Variants in ADAMTS3 observed in about 807,000 individuals in gnomAD.
ADAMTS3 encodes the protein ADAM metallopeptidase with thrombospondin type 1 motif 3.
Under a neutral mutation model 129.0 loss-of-function variants are expected in ADAMTS3, and 73 were observed. The observed-to-expected ratio is 0.57, with a 90% CI of 0.47 to 0.69. The LOEUF (loss-of-function observed/expected upper bound fraction) is 0.69, where lower values mean the gene tolerates loss of function less well. Among genes scored for constraint, ADAMTS3 ranks in the 30% least tolerant of loss-of-function variants. The probability of loss-of-function intolerance (pLI) is 0.00; values close to 1 mark genes in which losing one functional copy is unlikely to be tolerated. For synonymous variants in ADAMTS3, 477 were observed against 510.8 expected (o/e 0.93, Z 0.89); for missense variants, 1,457 against 1,514.5 (o/e 0.96, Z 0.63).
At chr4:72,469,273 CTA>C (rs1451975859) in intron 3 of ADAMTS3, among the ~76,000 whole-genome samples, 1 of 152,044 alleles carries the variant, frequency 6.6e-6, no homozygotes, top group Non-Finnish European at 1.5e-5. Context: ...TATGAAGACA[CTA>C]TATTACAATA....
chr4:72,544,870 T>C (rs145647276), intron 3 of ADAMTS3, among the ~76,000 whole-genome samples: 106 of 152,238 alleles, frequency 7.0e-4, no homozygotes, highest in Middle Eastern at 3.4e-3. Context: ...AAAAGAAATG[T>C]GCAATTTTCC....
chr4:72,512,389 G>A (rs1409391915), intron 3 of ADAMTS3, among the ~76,000 whole-genome samples: 3 of 152,134 alleles, frequency 2.0e-5, no homozygotes, highest in African/African-American at 7.2e-5. Flanking sequence ...CTACTCGGGA[G>A]GCTGAGGCAG....
chr4:72,442,498 T>C (rs1718143951), intron 3 of ADAMTS3, among the ~76,000 whole-genome samples: 1 of 151,430 alleles, frequency 6.6e-6, no homozygotes, highest in African/African-American at 2.4e-5. Flanking sequence ...AGGAGGAAGG[T>C]GCCAGGCTCT....
intron 4 of ADAMTS3, among the ~76,000 whole-genome samples, chr4:72,411,335 A>G (rs1440969618): frequency 6.6e-6 from 1 of 152,206 alleles, no homozygotes; most frequent in Middle Eastern, 3.4e-3. Flanking sequence ...GGTCAAGCGG[A>G]ATAGCTTAGG....
chr4:72,304,005 T>A lies in ADAMTS3; in HGVS notation c.2336A>T (p.Asp779Val). The A allele has an allele frequency of 4.3e-6, 7 of 1,613,756 alleles. No homozygotes were observed. The highest frequency in any genetic ancestry group is 5.9e-6 in the Non-Finnish European group (7 of 1,179,748). Reference sequence around the variant, plus strand: ...GTTATAATCCCACTCCACACCAAGATCTATGAAGGTCCGCGACTTGGCTTC... The same window carrying A: ...GTTATAATCCCACTCCACACCAAGAACTATGAAGGTCCGCGACTTGGCTTC... The part of the protein sequence containing the change: ...GEEAKSRTFI[D>V]LGVEWDYNIE... The change falls in exon 17 of 22, where the codon GAT becomes GTT. Residue 779 changes from aspartate (D) to valine (V), a missense_variant. Physicochemically the swap from Asp to Val is radical, Grantham distance 152 (BLOSUM62 -3). Transcript: ENST00000286657.
Position 72,306,041 on chromosome 4 carries a change from G to A in ADAMTS3, c.2206C>T (p.Pro736Ser). 1 of 1,608,282 alleles carries A rather than the reference G, an allele frequency of 6.2e-7. No individual in the cohort carries two copies. The highest frequency in any genetic ancestry group is 8.5e-7 in the Non-Finnish European group (1 of 1,177,560). The change falls in exon 16 of 22, where the codon CCT becomes TCT. Residue 736 changes from proline (P) to serine (S), a missense_variant. Transcript: ENST00000286657. Reference sequence around the variant, plus strand: ...TGGATTAACACATGTCTAGCCCCAGGGGGTATATCAAACATCTTAAGGTAC... The same window carrying A: ...TGGATTAACACATGTCTAGCCCCAGAGGGTATATCAAACATCTTAAGGTAC... ...LGYLKMFDIP[P>S]GARHVLIQED...
At chr4:72,473,042 AAATT>A (rs1177069800) in intron 3 of ADAMTS3, among the ~76,000 whole-genome samples, 6 of 152,194 alleles carry the variant, frequency 3.9e-5, no homozygotes, top group Non-Finnish European at 8.8e-5. Flanking sequence ...TAAAAATAAA[AAATT>A]AATATTAACA....
chr4:72,463,941 A>G (rs1235141530), intron 3 of ADAMTS3, among the ~76,000 whole-genome samples: 1 of 151,950 alleles, frequency 6.6e-6, no homozygotes, highest in Non-Finnish European at 1.5e-5. Context: ...CAGCCTGCCA[A>G]GACAAACAAA....
intron 3 of ADAMTS3, among the ~76,000 whole-genome samples, chr4:72,521,248 T>A (rs576840048): frequency 6.6e-6 from 1 of 152,248 alleles, no homozygotes; most frequent in East Asian, 1.9e-4. Context: ...CCCACCTGCC[T>A]CAGCTGCCCA....
chr4:72,519,797 C>T (rs1188837908), intron 3 of ADAMTS3, among the ~76,000 whole-genome samples: 1 of 152,182 alleles, frequency 6.6e-6, no homozygotes, highest in Non-Finnish European at 1.5e-5. Flanking sequence ...CTTCCTGTAG[C>T]TCGGAGTAGT....
At chr4:72,456,604 A>C (rs1043945725) in intron 3 of ADAMTS3, among the ~76,000 whole-genome samples, 13 of 151,096 alleles carry the variant, frequency 8.6e-5, no homozygotes, top group African/African-American at 3.2e-4. Flanking sequence ...AATTATTTCT[A>C]AAAGTACTTA....
intron 3 of ADAMTS3, among the ~76,000 whole-genome samples, chr4:72,484,097 C>A (rs35011975): frequency 0.61 from 93,289 of 151,972 alleles, 29,493 homozygotes; most frequent in South Asian, 0.79. Flanking sequence ...ACAGCCCTGG[C>A]TCCCTCCCTC....
chr4:72,474,194 A>T (rs1407608608), intron 3 of ADAMTS3, among the ~76,000 whole-genome samples: 2 of 152,238 alleles, frequency 1.3e-5, no homozygotes, highest in Admixed American at 1.3e-4. Flanking sequence ...AACCTGGAAG[A>T]TCTCAAACTA....
At chr4:72,446,459 T>C (rs1718255467) in intron 3 of ADAMTS3, among the ~76,000 whole-genome samples, 1 of 151,490 alleles carries the variant, frequency 6.6e-6, no homozygotes, top group Non-Finnish European at 1.5e-5. Flanking sequence ...GTGAGAACAA[T>C]GAACAAATTC....
At chr4:72,508,058 T>C (rs1033048082) in intron 3 of ADAMTS3, among the ~76,000 whole-genome samples, 1 of 152,192 alleles carries the variant, frequency 6.6e-6, no homozygotes, top group Non-Finnish European at 1.5e-5. Flanking sequence ...ACCATAACAA[T>C]AATATGCATA....
intron 3 of ADAMTS3, among the ~76,000 whole-genome samples, chr4:72,541,789 T>C (rs924099380): frequency 2.0e-5 from 3 of 152,168 alleles, no homozygotes; most frequent in African/African-American, 4.8e-5. Context: ...TCCACCACGA[T>C]TGTGAGGCCT....
chr4:72,457,157 T>A (rs1462742207), intron 3 of ADAMTS3, among the ~76,000 whole-genome samples: 1 of 151,754 alleles, frequency 6.6e-6, no homozygotes, highest in Non-Finnish European at 1.5e-5. Context: ...TGAGCTTTGT[T>A]TGGTAACCTG....
At chr4:72,485,101 C>A (rs1354918218) in intron 3 of ADAMTS3, among the ~76,000 whole-genome samples, 1 of 152,090 alleles carries the variant, frequency 6.6e-6, no homozygotes, top group Non-Finnish European at 1.5e-5. Flanking sequence ...TCTGCAGCCA[C>A]AAGGTTTTCA....
At chr4:72,465,203 G>A (rs1718886762) in intron 3 of ADAMTS3, among the ~76,000 whole-genome samples, 2 of 151,986 alleles carry the variant, frequency 1.3e-5, no homozygotes, top group Admixed American at 6.6e-5. Flanking sequence ...AGTCCAGATT[G>A]GCTCAAGAAG....
Sources: gnomAD v4.1 joint callset for allele counts (sites outside exome capture counted in the v4.1 genomes callset) on GRCh38, gnomAD v4.1.1 for gene constraint, MANE v1.5 for transcripts, NCBI Gene and HGNC (gene_info 2026-07-23, HGNC 2026-07-21) for gene names.